The following DDX17 variants were observed in gnomAD, a reference collection of about 807,000 sequenced individuals.
DDX17 encodes the protein probable ATP-dependent RNA helicase DDX17.
DDX17 carries 10 observed loss-of-function variants against 80.8 expected under a neutral mutation model. The ratio of observed to expected loss-of-function variants is 0.12; its 90% CI spans 0.08 to 0.21. The LOEUF (loss-of-function observed/expected upper bound fraction) is 0.21, where lower values mean the gene tolerates loss of function less well. DDX17 is among the 10% of genes least tolerant of loss of function. DDX17 has a pLI of 1.00. For missense variants in DDX17, 586 were observed against 957.4 expected (o/e 0.61, Z 5.12); for synonymous variants, 339 against 336.2 (o/e 1.01, Z -0.09).
At position 38,485,813 on chromosome 22, in the gene DDX17, A is replaced by G. The variant is rs1366824982; in HGVS notation, c.*122T>C. On this transcript the variant is annotated 3_prime_UTR_variant, in exon 13 of 13. Transcript: ENST00000403230. Reference sequence around the variant, plus strand: ...GACAAATCACGATGGTTGGGGGGAAAAATTAAAAAAAAAAAAAGAAAAAAG... The same window carrying G: ...GACAAATCACGATGGTTGGGGGGAAGAATTAAAAAAAAAAAAAGAAAAAAG... 5 of 1,274,196 alleles carry G rather than the reference A, an allele frequency of 3.9e-6. No homozygotes were observed. Among genetic ancestry groups the G allele is most frequent in the Non-Finnish European group, 5.0e-6 (5 of 1,006,422 alleles). 78.9% of individuals were successfully genotyped at this position (1,274,196 alleles called of 1,614,324 possible).
In DDX17 at chr22:38,489,668, C is replaced by A. The variant is rs1000427810; in HGVS notation, c.1448-1553G>T. On this transcript the variant is annotated intron_variant, in intron 11 of 12. Transcript: ENST00000403230. The surrounding 1 kb of genome is among the most constrained non-coding windows in gnomAD (Gnocchi z 4.6). Reference sequence around the variant, plus strand: ...TGTTACAGGGCTTGTGAAGAAGGGGCATTATGTCTGTTTCTTATTACAATA... The same window carrying A: ...TGTTACAGGGCTTGTGAAGAAGGGGAATTATGTCTGTTTCTTATTACAATA... 3 of 984,500 alleles carry A rather than the reference C, an allele frequency of 3.0e-6. No homozygotes were observed. Among genetic ancestry groups the A allele is most frequent in the Admixed American group, 6.2e-5 (1 of 16,196 alleles). 61.0% of individuals were successfully genotyped at this position (984,500 alleles called of 1,614,324 possible).
chr22:38,485,875 A>C lies in DDX17; in HGVS notation c.*60T>G. The C allele has an allele frequency of 9.2e-6, 14 of 1,529,634 alleles. No individual in the cohort carries two copies. The highest frequency in any genetic ancestry group is 1.2e-5 in the Non-Finnish European group (14 of 1,141,602). The allele number at this position is 1,529,634 out of a possible 1,614,324, so 94.8% of individuals were successfully genotyped here. On this transcript the variant is annotated 3_prime_UTR_variant, in exon 13 of 13. Transcript: ENST00000403230. Reference sequence around the variant, plus strand: ...AAAAGGCGAAGAGGAAAAAAAAAGGAAAGACAGTGTTCCTTAAAATGTAAT... The same window carrying C: ...AAAAGGCGAAGAGGAAAAAAAAAGGCAAGACAGTGTTCCTTAAAATGTAAT...
rs77636790 is a variant in DDX17, at chr22:38,502,547, T to G, written c.288-1267A>C. On this transcript the variant is annotated intron_variant, in intron 1 of 12. Coordinates refer to ENST00000403230, the MANE Select transcript of DDX17 (RefSeq NM_006386.5). ...GAGAAAAAAACACTAACAAGACTTA[T>G]TTAAGGCTTTAACACTCAACTAATT... Among the ~76,000 whole-genome samples the G allele has an allele frequency of 4.5e-3, 389 of 86,772 alleles. 1 individual carries two copies. The highest frequency in any genetic ancestry group is 0.012 in the African/African-American group (376 of 32,606). The allele number at this position is 86,772 out of a possible 152,430, so 56.9% of individuals were successfully genotyped here.
At chr22:38,495,340 G>C (rs1226865708) in intron 6 of DDX17, among the ~76,000 whole-genome samples, 2 of 145,786 alleles carry the variant, frequency 1.4e-5, no homozygotes, top group Non-Finnish European at 1.5e-5. Context: ...CCGACTCCCA[G>C]GTTCACGCCA....
chr22:38,488,390 C>G lies in DDX17; in HGVS notation c.1448-275G>C, dbSNP rs2089682751. The G allele has an allele frequency of 3.8e-6, 5 of 1,317,410 alleles. No individual in the cohort carries two copies. The South Asian group carries it at 6.4e-5, about 17-fold the overall frequency. The allele number at this position is 1,317,410 out of a possible 1,614,324, so 81.6% of individuals were successfully genotyped here. ...CCAAACATCCAAACTCCTGCCTCTG[C>G]TACATTTTACCAATATACTGACAGG... On this transcript the variant is annotated intron_variant, in intron 11 of 12. Coordinates refer to ENST00000403230, the MANE Select transcript of DDX17 (RefSeq NM_006386.5).
rs2089737827 is a variant in DDX17, at chr22:38,494,041, A to C, written c.1305T>G (p.Thr435=). The C allele has an allele frequency of 6.2e-7, 1 of 1,613,832 alleles. No homozygotes were observed. The highest frequency in any genetic ancestry group is 1.7e-5 in the Admixed American group (1 of 59,984). ...CTCACCCATCTCTGCGCATCCTTCG[A>C]GTCAGATCATCACAGCGTCTCTTTG... Residue 435 remains threonine (T), a synonymous_variant, in exon 9 of 13, where the codon ACT becomes ACG. Coordinates refer to ENST00000403230, the MANE Select transcript of DDX17 (RefSeq NM_006386.5).
At chr22:38,500,846 AT>A (rs2089821681) in intron 2 of DDX17, among the ~76,000 whole-genome samples, 1 of 139,460 alleles carries the variant, frequency 7.2e-6, no homozygotes, top group African/African-American at 2.7e-5. Flanking sequence ...AAAAAAAAAA[AT>A]CAGCTGGGTG....
At chr22:38,490,497 CA>C (rs915534007) in intron 11 of DDX17, 95 of 1,220,646 alleles carry the variant, frequency 7.8e-5, no homozygotes, top group Non-Finnish European at 8.0e-5. Context: ...GTAGTTCAAA[CA>C]AAAAAAAGGA....
rs2089651170 is a variant in DDX17 at position 38,485,828 on chromosome 22, A to AAG, written c.*106_*107insCT. On this transcript the variant is annotated 3_prime_UTR_variant, in exon 13 of 13. Coordinates refer to ENST00000403230, the MANE Select transcript of DDX17 (RefSeq NM_006386.5). ...TTGGGGGGAAAAATTAAAAAAAAAA[A>AAG]AAGAAAAAAGGAAAAAAAAAGAAAA... is the stretch of plus-strand genomic sequence containing the variant. The AAG allele has an allele frequency of 7.1e-7, 1 of 1,401,438 alleles. No homozygotes were observed. Among genetic ancestry groups the AAG allele is most frequent in the Admixed American group, 3.2e-5 (1 of 31,160 alleles). The allele number at this position is 1,401,438 out of a possible 1,614,324, so 86.8% of individuals were successfully genotyped here. A position where few individuals can be genotyped will look rare whatever the true frequency, so the allele number is the denominator to read the frequency against.
At chr22:38,497,712 A>G (rs907323439) in intron 5 of DDX17, among the ~76,000 whole-genome samples, 3 of 151,332 alleles carry the variant, frequency 2.0e-5, no homozygotes, top group Admixed American at 2.0e-4. Context: ...TGATCACCTC[A>G]GGTCAGGAGT....
At position 38,487,863 on chromosome 22, in the gene DDX17, C is replaced by G; in HGVS notation, c.1684+16G>C. The G allele has an allele frequency of 6.2e-7, 1 of 1,613,838 alleles. No homozygotes were observed. Among genetic ancestry groups the G allele is most frequent in the Middle Eastern group, 1.7e-4 (1 of 5,792 alleles). On this transcript the variant is annotated intron_variant, in intron 12 of 12. Coordinates refer to ENST00000403230, the MANE Select transcript of DDX17 (RefSeq NM_006386.5). ...TACCTTGGCAGTACCTGGAAAACTC[C>G]AGGACTTACCCTTACCCCCGCCTCC...
chr22:38,504,580 T>C (rs1457397690), intron 1 of DDX17, among the ~76,000 whole-genome samples: 2 of 152,154 alleles, frequency 1.3e-5, no homozygotes, highest in Admixed American at 6.6e-5. Context: ...ATTCCACCTC[T>C]CATCCTCTAA....
Position 38,485,810 on chromosome 22 carries a change from GA to G in DDX17, c.*124del. 2.3e-5 allele frequency: 27 copies of G among 1,190,132 alleles called. No individual in the cohort carries two copies. The highest frequency in any genetic ancestry group is 2.0e-4 in the South Asian group (11 of 55,210). 73.7% of individuals were successfully genotyped at this position (1,190,132 alleles called of 1,614,324 possible). A position where few individuals can be genotyped will look rare whatever the true frequency, so the allele number is the denominator to read the frequency against. On this transcript the variant is annotated 3_prime_UTR_variant, in exon 13 of 13. Coordinates refer to ENST00000403230, the MANE Select transcript of DDX17 (RefSeq NM_006386.5). ...AAAGACAAATCACGATGGTTGGGGG[GA>G]AAAATTAAAAAAAAAAAAAGAAAAA...
intron 12 of DDX17, among the ~76,000 whole-genome samples, chr22:38,487,609 A>G (rs184466353): frequency 2.6e-3 from 394 of 152,248 alleles, no homozygotes; most frequent in Admixed American, 3.8e-3. Flanking sequence ...ACAGAGCAAG[A>G]CTCCGTCTCA....
At chr22:38,487,664 A>G (rs1316736300) in intron 12 of DDX17, among the ~76,000 whole-genome samples, 2 of 151,586 alleles carry the variant, frequency 1.3e-5, no homozygotes, top group African/African-American at 4.8e-5. Flanking sequence ...AGTCTCTAAG[A>G]AAAAAAAATT....
chr22:38,489,315 T>C lies in DDX17; in HGVS notation c.1448-1200A>G. 1 of 985,778 alleles carries C rather than the reference T, an allele frequency of 1.0e-6. No homozygotes were observed. Among genetic ancestry groups the C allele is most frequent in the Non-Finnish European group, 1.2e-6 (1 of 829,938 alleles). 61.1% of individuals were successfully genotyped at this position (985,778 alleles called of 1,614,324 possible). A position where few individuals can be genotyped will look rare whatever the true frequency, so the allele number is the denominator to read the frequency against. ...TTTTTGGCGGCCTCCTTTCGAAAAC[T>C]CCGCCTTCTGACACGGGACCACTGG... On this transcript the variant is annotated intron_variant, in intron 11 of 12. Coordinates refer to ENST00000403230, the MANE Select transcript of DDX17 (RefSeq NM_006386.5). This position sits in a 1 kb window ranked among gnomAD's most constrained non-coding sequence, Gnocchi z 4.6.
intron 12 of DDX17, among the ~76,000 whole-genome samples, chr22:38,487,242 C>T (rs571405879): frequency 6.6e-6 from 1 of 152,244 alleles, no homozygotes; most frequent in East Asian, 1.9e-4. Flanking sequence ...CTCCTGTAAT[C>T]TCAGCACTTT....
intron 9 of DDX17, 104 bp from the exon 10 acceptor site, chr22:38,493,875 C>A: frequency 7.8e-7 from 1 of 1,287,500 alleles, no homozygotes; most frequent in Non-Finnish European, 1.1e-6. Context: ...GTTTGTCAGG[C>A]TTCATGAATA....
rs916154830 is a variant in DDX17, at chr22:38,484,112, A to G, written c.*1823T>C. On this transcript the variant is annotated 3_prime_UTR_variant, in exon 13 of 13. Coordinates refer to ENST00000403230, the MANE Select transcript of DDX17 (RefSeq NM_006386.5). Reference sequence around the variant, plus strand: ...ACCCAGAATTTGGTTGTAGAAAACAATGCCCACAACAGACTGGCCAGTGCT... The same window carrying G: ...ACCCAGAATTTGGTTGTAGAAAACAGTGCCCACAACAGACTGGCCAGTGCT... 2.0e-5 allele frequency: 3 copies of G among 152,508 alleles called. No individual in the cohort carries two copies. Among genetic ancestry groups the G allele is most frequent in the Admixed American group, 6.5e-5 (1 of 15,270 alleles). The allele number at this position is 152,508 out of a possible 1,614,324, so 9.4% of individuals were successfully genotyped here. A position where few individuals can be genotyped will look rare whatever the true frequency, so the allele number is the denominator to read the frequency against.
Sources: allele counts gnomAD v4.1 joint callset (sites outside exome capture counted in the v4.1 genomes callset), GRCh38; gene constraint gnomAD v4.1.1; non-coding constraint Gnocchi (gnomAD v3.1); transcripts MANE v1.5; gene names NCBI Gene and HGNC (gene_info 2026-07-23, HGNC 2026-07-21).